AIMP1: variants seen among roughly 807,000 people sequenced by gnomAD.
AIMP1 encodes the protein aminoacyl tRNA synthase complex-interacting multifunctional protein 1.
In AIMP1, 24 loss-of-function variants were observed where a neutral mutation model predicts 33.1. The observed-to-expected ratio is 0.73, with a 90% CI of 0.53 to 1.02. The LOEUF (loss-of-function observed/expected upper bound fraction) is 1.02, where lower values mean the gene tolerates loss of function less well. AIMP1 is among the 50% of genes least tolerant of loss of function. The probability of loss-of-function intolerance (pLI) is 0.00; values close to 1 mark genes in which losing one functional copy is unlikely to be tolerated. For missense variants in AIMP1, 367 were observed against 364.8 expected, an observed-to-expected ratio of 1.01 and a Z score of -0.05; for synonymous variants, 120 against 121.5, an observed-to-expected ratio of 0.99 and a Z score of 0.08.
chr4:106,343,509 G>T (rs559788848), intron 6 of AIMP1, among the ~76,000 whole-genome samples: 128 of 152,190 alleles, frequency 8.4e-4, no homozygotes, highest in African/African-American at 3.0e-3. Context: ...AGCACACAGG[G>T]GATTTTCTTT....
chr4:106,316,514 C>G (rs748508527), upstream of AIMP1: 1 of 1,551,118 alleles, frequency 6.4e-7, no homozygotes, highest in Non-Finnish European at 8.7e-7. Flanking sequence ...TGGGTCCTTT[C>G]TCACTGCTAT....
At chr4:106,332,636 T>C (rs1036311647) in intron 5 of AIMP1, among the ~76,000 whole-genome samples, 2 of 148,654 alleles carry the variant, frequency 1.3e-5, no homozygotes, top group African/African-American at 2.4e-5. Flanking sequence ...TATATACATA[T>C]ATATATAAGT....
chr4:106,327,231 T>C (rs561048779), intron 2 of AIMP1, among the ~76,000 whole-genome samples: 11 of 151,268 alleles, frequency 7.3e-5, no homozygotes, highest in South Asian at 2.1e-4. Context: ...CTTTCTGTTT[T>C]ACTCTTATTT....
chr4:106,328,123 A>T lies in AIMP1; in HGVS notation c.271A>T (p.Met91Leu), dbSNP rs770399051. Reference protein sequence around the residue: ...PSGTPLHANSMVSENVIQSTA... With the variant: ...PSGTPLHANSLVSENVIQSTA... ...TGGTACTCCACTGCACGCTAATTCTATGGTTTCTGAAAATGTGATACAGTC... is the reference window on the plus strand; with the variant it reads ...TGGTACTCCACTGCACGCTAATTCTTTGGTTTCTGAAAATGTGATACAGTC... The change falls in exon 4 of 7, where the codon ATG becomes TTG. Residue 91 changes from methionine to leucine, a missense_variant. By Grantham distance (15) the Met-to-Leu change is conservative (BLOSUM62 2). Coordinates refer to ENST00000672341, the MANE Select transcript of AIMP1 (RefSeq NM_001142416.2). The T allele has an allele frequency of 1.1e-5, 17 of 1,613,446 alleles. No individual in the cohort carries two copies. The highest frequency in any genetic ancestry group is 1.4e-5 in the Non-Finnish European group (17 of 1,179,678).
At chr4:106,333,871 C>T (rs1318555072) in intron 5 of AIMP1, among the ~76,000 whole-genome samples, 1 of 152,148 alleles carries the variant, frequency 6.6e-6, no homozygotes, top group African/African-American at 2.4e-5. Flanking sequence ...AAACCTCCTT[C>T]TCAACAAAAG....
Position 106,348,543 on chromosome 4 carries a change from T to G in AIMP1, c.*851T>G, listed in dbSNP as rs896059531. ...ATGTGTCATCATACTGTCAGTATATTAAAAGAAATTACAGCCTAAAACTTA... is the reference window on the plus strand; with the variant it reads ...ATGTGTCATCATACTGTCAGTATATGAAAAGAAATTACAGCCTAAAACTTA... On this transcript the variant is annotated 3_prime_UTR_variant, in exon 7 of 7. Coordinates refer to ENST00000672341, the MANE Select transcript of AIMP1 (RefSeq NM_001142416.2). 3 of 152,108 alleles carry G rather than the reference T, an allele frequency of 2.0e-5. No individual in the cohort carries two copies. The highest frequency in any genetic ancestry group is 2.9e-5 in the Non-Finnish European group (2 of 68,016). The allele number at this position is 152,108 out of a possible 1,614,324, so 9.4% of individuals were successfully genotyped here. A position where few individuals can be genotyped will look rare whatever the true frequency, so the allele number is the denominator to read the frequency against.
At chr4:106,330,121 CA>C (rs1206257133) in intron 4 of AIMP1, among the ~76,000 whole-genome samples, 15 of 151,920 alleles carry the variant, frequency 9.9e-5, no homozygotes, top group African/African-American at 3.6e-4. Context: ...ACTCATTTGT[CA>C]GTGAAGGATT....
upstream of AIMP1, chr4:106,316,529 C>T: frequency 1.3e-6 from 2 of 1,551,516 alleles, no homozygotes; most frequent in Admixed American, 2.0e-5. Flanking sequence ...TGCTATAGTA[C>T]GCGGGTGGCT....
chr4:106,340,682 A>G (rs1246620822), intron 6 of AIMP1, among the ~76,000 whole-genome samples: 1 of 152,074 alleles, frequency 6.6e-6, no homozygotes, highest in African/African-American at 2.4e-5. Context: ...TTTTAATCCA[A>G]TCCACTGTTG....
chr4:106,344,736 C>T (rs1770231048), intron 6 of AIMP1, among the ~76,000 whole-genome samples: 1 of 151,684 alleles, frequency 6.6e-6, no homozygotes, highest in South Asian at 2.1e-4. Flanking sequence ...ATCTCATGAA[C>T]TCCAGCTTTT....
intron 6 of AIMP1, among the ~76,000 whole-genome samples, chr4:106,337,449 C>T (rs534223581): frequency 3.9e-5 from 6 of 152,240 alleles, no homozygotes; most frequent in African/African-American, 1.2e-4. Flanking sequence ...AGTTCCCCTA[C>T]GCATGCTCTC....
Position 106,329,772 on chromosome 4 carries a change from C to CTTT in AIMP1, c.391+1557_391+1559dup, listed in dbSNP as rs59016309. Among the ~76,000 whole-genome samples the CTTT allele has an allele frequency of 8.3e-3, 440 of 53,080 alleles. 73 individuals carry two copies. Among genetic ancestry groups the CTTT allele is most frequent in the East Asian group, 0.052 (96 of 1,862 alleles). The allele number at this position is 53,080 out of a possible 152,430, so 34.8% of individuals were successfully genotyped here. A position where few individuals can be genotyped will look rare whatever the true frequency, so the allele number is the denominator to read the frequency against. The stretch of plus-strand genomic sequence containing the variant: ...ATGATCTTTCTAGACTGCTACATAT[C>CTTT]TTTTTTTTTTTTTTTTTTTTTTTTT... On this transcript the variant is annotated intron_variant, in intron 4 of 6. Coordinates refer to ENST00000672341, the MANE Select transcript of AIMP1 (RefSeq NM_001142416.2).
chr4:106,341,044 A>G (rs909889501), intron 6 of AIMP1, among the ~76,000 whole-genome samples: 4 of 152,138 alleles, frequency 2.6e-5, no homozygotes, highest in African/African-American at 7.2e-5. Context: ...TTGGCGACAT[A>G]TATGTCTTCT....
chr4:106,327,938 TCAGA>T, intron 3 of AIMP1, 134 bp from the exon 4 acceptor site: 5 of 1,338,108 alleles, frequency 3.7e-6, no homozygotes, highest in Non-Finnish European at 5.1e-6. Flanking sequence ...TTTTATAGTC[TCAGA>T]CAGTGGATAT....
chr4:106,318,095 C>G lies in AIMP1; in HGVS notation c.-26+1501C>G, dbSNP rs141106937. On this transcript the variant is annotated intron_variant, in intron 1 of 6. Coordinates refer to ENST00000672341, the MANE Select transcript of AIMP1 (RefSeq NM_001142416.2). ...CCATCCTTTAAACCCTCCAGGACCC[C>G]CTATGTCCTCATCAGTAAAGGGAAA... Among the ~76,000 whole-genome samples, 6 of 152,220 alleles carry G rather than the reference C, an allele frequency of 3.9e-5. No homozygotes were observed. The East Asian group carries it at 5.8e-4, about 15-fold the overall frequency.
Position 106,347,701 on chromosome 4 carries a change from C to T in AIMP1, c.*9C>T, listed in dbSNP as rs1770358597. The T allele has an allele frequency of 1.2e-6, 2 of 1,611,436 alleles. No homozygotes were observed. The highest frequency in any genetic ancestry group is 2.7e-5 in the African/African-American group (2 of 74,776). On this transcript the variant is annotated 3_prime_UTR_variant, in exon 7 of 7. Coordinates refer to ENST00000672341, the MANE Select transcript of AIMP1 (RefSeq NM_001142416.2). ...ACAGTGGAATCAAATAAAATGCTTC[C>T]ACTACCAAAAGACATTAGAGAAAAC...
upstream of AIMP1, chr4:106,316,284 T>G: frequency 1.6e-5 from 6 of 370,888 alleles, no homozygotes; most frequent in Non-Finnish European, 2.5e-5. Flanking sequence ...GACCCCGACT[T>G]GTGGTGTCCT....
At chr4:106,328,992 T>A (rs1769560119) in intron 4 of AIMP1, among the ~76,000 whole-genome samples, 1 of 152,110 alleles carries the variant, frequency 6.6e-6, no homozygotes, top group Non-Finnish European at 1.5e-5. Flanking sequence ...TCTAAAAAGT[T>A]GCCTTTATAA....
chr4:106,341,901 A>G (rs1241185737), intron 6 of AIMP1, among the ~76,000 whole-genome samples: 1 of 152,202 alleles, frequency 6.6e-6, no homozygotes, highest in African/African-American at 2.4e-5. Context: ...AATTTTAACA[A>G]TACTGATTTT....
Sources: gnomAD v4.1 joint callset for allele counts (sites outside exome capture counted in the v4.1 genomes callset) on GRCh38, gnomAD v4.1.1 for gene constraint, MANE v1.5 for transcripts, NCBI Gene and HGNC (gene_info 2026-07-23, HGNC 2026-07-21) for gene names.